CLSTN2: variants seen among roughly 807,000 people sequenced by gnomAD.
CLSTN2 encodes calsyntenin-2.
Under a neutral mutation model 101.2 loss-of-function variants are expected in CLSTN2, and 48 were observed. The observed-to-expected ratio is 0.47, with a 90% CI of 0.38 to 0.60. CLSTN2 has a LOEUF of 0.60. Ranked by LOEUF, CLSTN2 falls within the 20% of genes least tolerant of loss-of-function variation. CLSTN2 has a pLI of 0.00. For synonymous variants in CLSTN2, 481 were observed against 463.6 expected (o/e 1.04, Z -0.48); for missense variants, 1,160 against 1,238.2 (o/e 0.94, Z 0.95).
intron 8 of CLSTN2, among the ~76,000 whole-genome samples, chr3:140,494,575 C>T (rs373053734): frequency 3.7e-4 from 56 of 152,234 alleles, no homozygotes; most frequent in African/African-American, 1.3e-3. Context: ...GGTATTAAGC[C>T]CAGCATCCAT....
At chr3:140,343,066 C>T (rs74908525) in intron 2 of CLSTN2, among the ~76,000 whole-genome samples, 5,628 of 152,172 alleles carry the variant, frequency 0.037, 121 homozygotes, top group South Asian at 0.074. Context: ...AGGCAGGGTA[C>T]GTTTTTGTGG....
intron 1 of CLSTN2, among the ~76,000 whole-genome samples, chr3:139,986,686 A>C (rs776100008): frequency 1.3e-5 from 2 of 152,108 alleles, no homozygotes; most frequent in East Asian, 1.9e-4. Context: ...GTGGCATTGC[A>C]CATTCCTATA....
intron 1 of CLSTN2, among the ~76,000 whole-genome samples, chr3:140,151,945 G>T (rs1015858001): frequency 6.6e-6 from 1 of 152,232 alleles, no homozygotes; most frequent in Middle Eastern, 3.4e-3. Flanking sequence ...AGGAGTCTAG[G>T]TGGATATCCA....
chr3:140,181,382 T>G (rs571667831), intron 2 of CLSTN2, among the ~76,000 whole-genome samples: 115 of 143,246 alleles, frequency 8.0e-4, no homozygotes, highest in African/African-American at 2.6e-3. Flanking sequence ...AAGCCACAAG[T>G]GTTTGATTCA....
At chr3:140,199,326 T>C (rs1305319290) in intron 2 of CLSTN2, among the ~76,000 whole-genome samples, 1 of 152,210 alleles carries the variant, frequency 6.6e-6, no homozygotes, top group Non-Finnish European at 1.5e-5. Flanking sequence ...CTTTATCTCA[T>C]CATTGATTTC....
chr3:140,057,703 C>T (rs1050526488), intron 1 of CLSTN2, among the ~76,000 whole-genome samples: 2 of 152,108 alleles, frequency 1.3e-5, no homozygotes, highest in South Asian at 4.2e-4. Context: ...ACATGAAGAG[C>T]ACTTTGCTTT....
intron 1 of CLSTN2, among the ~76,000 whole-genome samples, chr3:140,175,156 A>G (rs898000808): frequency 6.6e-6 from 1 of 152,170 alleles, no homozygotes. Context: ...TAAAGATTCT[A>G]TCTCCCAATA....
intron 2 of CLSTN2, among the ~76,000 whole-genome samples, chr3:140,181,410 A>T (rs1024071397): frequency 6.6e-6 from 1 of 152,190 alleles, no homozygotes; most frequent in South Asian, 2.1e-4. Flanking sequence ...TGATTACAAT[A>T]GTGCAATTAT....
At chr3:140,546,744 C>T (rs903804606) in intron 10 of CLSTN2, 63 bp downstream of exon 10, 100 of 1,376,430 alleles carry the variant, frequency 7.3e-5, no homozygotes, top group Non-Finnish European at 9.2e-5. Context: ...GCCTGCACAG[C>T]GCCAGCACAC....
intron 8 of CLSTN2, among the ~76,000 whole-genome samples, chr3:140,518,076 A>G (rs536282662): frequency 1.1e-3 from 169 of 152,236 alleles, no homozygotes; most frequent in African/African-American, 3.2e-3. Context: ...CCAGAGAAGT[A>G]GGGAAAAGCC....
intron 1 of CLSTN2, among the ~76,000 whole-genome samples, chr3:140,081,451 T>A (rs2008598248): frequency 6.6e-6 from 1 of 152,226 alleles, no homozygotes; most frequent in African/African-American, 2.4e-5. Flanking sequence ...CTGCCAGTGC[T>A]TTCCCCATGA....
intron 8 of CLSTN2, among the ~76,000 whole-genome samples, chr3:140,531,921 A>G (rs1414366363): frequency 6.6e-6 from 1 of 152,166 alleles, no homozygotes; most frequent in Non-Finnish European, 1.5e-5. Flanking sequence ...CAATAATCAG[A>G]GCCAACTGGA....
intron 2 of CLSTN2, among the ~76,000 whole-genome samples, chr3:140,258,252 CAT>C: frequency 6.6e-6 from 1 of 152,268 alleles, no homozygotes; most frequent in Middle Eastern, 3.4e-3. Context: ...TGGAAACTTC[CAT>C]CTTCCAATTT....
chr3:140,352,974 A>T (rs185113002), intron 2 of CLSTN2, among the ~76,000 whole-genome samples: 9 of 152,156 alleles, frequency 5.9e-5, no homozygotes, highest in African/African-American at 1.7e-4. Context: ...ATCTGTACTG[A>T]ACCTGTGTAA....
intron 2 of CLSTN2, among the ~76,000 whole-genome samples, chr3:140,180,852 GCT>G (rs1413795906): frequency 1.3e-5 from 2 of 152,184 alleles, no homozygotes; most frequent in Non-Finnish European, 2.9e-5. Context: ...AGCTGGGAAT[GCT>G]CTTTCATACA....
chr3:140,037,740 C>G (rs1253120256), intron 1 of CLSTN2, among the ~76,000 whole-genome samples: 2 of 152,056 alleles, frequency 1.3e-5, no homozygotes, highest in Non-Finnish European at 2.9e-5. Context: ...TTGTTCCCCC[C>G]ATGTGTTCAT....
chr3:140,206,550 G>A (rs953315788), intron 2 of CLSTN2, among the ~76,000 whole-genome samples: 1 of 152,178 alleles, frequency 6.6e-6, no homozygotes, highest in Non-Finnish European at 1.5e-5. Flanking sequence ...CACCTGACAC[G>A]TGAAAACCAA....
intron 8 of CLSTN2, among the ~76,000 whole-genome samples, chr3:140,468,194 T>C (rs1217578904): frequency 6.6e-6 from 1 of 152,240 alleles, no homozygotes; most frequent in Non-Finnish European, 1.5e-5. Flanking sequence ...CTCTCAGCTA[T>C]GTCCTAAAGT....
At chr3:140,193,262 T>G (rs1290215504) in intron 2 of CLSTN2, among the ~76,000 whole-genome samples, 1 of 73,786 alleles carries the variant, frequency 1.4e-5, no homozygotes, top group Non-Finnish European at 2.8e-5. Context: ...TTTTTTATAG[T>G]TTTTTTTTTT....
Sources: allele counts gnomAD v4.1 joint callset (sites outside exome capture counted in the v4.1 genomes callset), GRCh38; gene constraint gnomAD v4.1.1; transcripts MANE v1.5; gene names NCBI Gene and HGNC (gene_info 2026-07-23, HGNC 2026-07-21).